The following NR3C1 variants were observed in gnomAD, a reference collection of about 807,000 sequenced individuals.
NR3C1 encodes the protein glucocorticoid receptor.
A neutral mutation model predicts 74.0 loss-of-function variants in NR3C1; 14 were observed. The observed-to-expected ratio is 0.19, with a 90% CI of 0.12 to 0.30. The LOEUF is 0.30. NR3C1 is among the 10% of genes least tolerant of loss of function. The pLI is 1.00. For missense variants in NR3C1, 695 were observed against 909.8 expected (o/e 0.76, Z 3.04); for synonymous variants, 308 against 332.5 (o/e 0.93, Z 0.80).
At chr5:143,404,397 G>C (rs1468083159), upstream of NR3C1, 2 of 985,354 alleles carry the variant, frequency 2.0e-6, no homozygotes, top group East Asian at 1.1e-4. Context: ...GGGGAGTCGC[G>C]TGCCGGCAGG....
At chr5:143,313,030 A>G (rs915603586) in intron 3 of NR3C1, among the ~76,000 whole-genome samples, 24 of 152,372 alleles carry the variant, frequency 1.6e-4, no homozygotes, top group Admixed American at 1.4e-3. Context: ...AAAATGACTC[A>G]TCTAACTCTC....
intron 2 of NR3C1, among the ~76,000 whole-genome samples, chr5:143,388,170 A>C (rs1395147457): frequency 6.6e-6 from 1 of 152,240 alleles, no homozygotes; most frequent in Admixed American, 6.5e-5. Flanking sequence ...AGAAATTATG[A>C]AAAGCAATCC....
At chr5:143,339,397 T>G (rs1202374979) in intron 2 of NR3C1, among the ~76,000 whole-genome samples, 3 of 152,218 alleles carry the variant, frequency 2.0e-5, no homozygotes, top group Non-Finnish European at 4.4e-5. Flanking sequence ...TTCTCCCCTA[T>G]TTTACATTGC....
At chr5:143,411,647 A>G (rs963722946) in intron 1 of NR3C1, among the ~76,000 whole-genome samples, 2 of 152,164 alleles carry the variant, frequency 1.3e-5, no homozygotes, top group African/African-American at 4.8e-5. Flanking sequence ...TGAAAATCAC[A>G]TGGCCATATA....
intron 2 of NR3C1, among the ~76,000 whole-genome samples, chr5:143,355,138 A>G (rs1208463678): frequency 6.6e-6 from 1 of 152,202 alleles, no homozygotes; most frequent in Non-Finnish European, 1.5e-5. Context: ...AACAAAATAA[A>G]CACGCAATAT....
intron 1 of NR3C1, among the ~76,000 whole-genome samples, chr5:143,418,823 A>G (rs968164368): frequency 9.2e-5 from 14 of 152,206 alleles, no homozygotes; most frequent in African/African-American, 3.4e-4. Flanking sequence ...GGGCAGAACT[A>G]GAAAGAATCC....
At chr5:143,381,256 G>A (rs2151887710) in intron 2 of NR3C1, among the ~76,000 whole-genome samples, 1 of 152,006 alleles carries the variant, frequency 6.6e-6, no homozygotes, top group African/African-American at 2.4e-5. Context: ...GCTCTACAAT[G>A]AAAACAATAA....
chr5:143,424,702 C>A (rs1458992234), intron 1 of NR3C1, among the ~76,000 whole-genome samples: 1 of 151,998 alleles, frequency 6.6e-6, no homozygotes. Flanking sequence ...GAGAGAGTTA[C>A]TGATTTTCTT....
rs946510889 is a variant in NR3C1, at chr5:143,280,416, T to C, written c.*1473A>G. The C allele has an allele frequency of 3.9e-5, 6 of 152,654 alleles. No homozygotes were observed. Among genetic ancestry groups the C allele is most frequent in the Non-Finnish European group, 8.8e-5 (6 of 68,044 alleles). The allele number at this position is 152,654 out of a possible 1,614,324, so 9.5% of individuals were successfully genotyped here. On this transcript the variant is annotated 3_prime_UTR_variant, in exon 9 of 9. Coordinates refer to ENST00000394464, the MANE Select transcript of NR3C1 (RefSeq NM_000176.3). Reference sequence around the variant, plus strand: ...TTAATATTAGATTTTCAGTTTTCTATTACACAAATAATTTGGCCACCTTGA... The same window carrying C: ...TTAATATTAGATTTTCAGTTTTCTACTACACAAATAATTTGGCCACCTTGA...
chr5:143,341,028 A>G (rs72801072), intron 2 of NR3C1, among the ~76,000 whole-genome samples: 1,725 of 152,312 alleles, frequency 0.011, 12 homozygotes, highest in Non-Finnish European at 0.02. Context: ...AGCTCAGCCA[A>G]TAAAACTGAA....
intron 1 of NR3C1, among the ~76,000 whole-genome samples, chr5:143,413,938 T>C (rs1841394189): frequency 6.6e-6 from 1 of 152,156 alleles, no homozygotes; most frequent in African/African-American, 2.4e-5. Context: ...CAGATGTCCA[T>C]GACAATAGCT....
At chr5:143,334,725 G>GGA (rs371031758) in intron 2 of NR3C1, among the ~76,000 whole-genome samples, 3 of 134,000 alleles carry the variant, frequency 2.2e-5, no homozygotes, top group Admixed American at 7.4e-5. Context: ...TCTCTGCTGT[G>GGA]AAAAAAAAAA....
At chr5:143,370,968 T>G (rs10482633) in intron 2 of NR3C1, among the ~76,000 whole-genome samples, 19,721 of 152,248 alleles carry the variant, frequency 0.13, 1,480 homozygotes, top group Middle Eastern at 0.29. Context: ...TTTTCATGGA[T>G]TATCTAGACC....
intron 2 of NR3C1, among the ~76,000 whole-genome samples, chr5:143,373,659 A>G (rs1561703720): frequency 6.6e-6 from 1 of 152,200 alleles, no homozygotes; most frequent in Non-Finnish European, 1.5e-5. Flanking sequence ...CATAAAGTTA[A>G]AACATATGAA....
intron 2 of NR3C1, among the ~76,000 whole-genome samples, chr5:143,348,340 G>C (rs1468529294): frequency 6.6e-6 from 1 of 152,128 alleles, no homozygotes; most frequent in African/African-American, 2.4e-5. Context: ...GACTAACATA[G>C]TTGATTCTAA....
intron 2 of NR3C1, among the ~76,000 whole-genome samples, chr5:143,396,176 A>C (rs999318689): frequency 1.3e-5 from 2 of 151,884 alleles, no homozygotes; most frequent in Non-Finnish European, 3.0e-5. Context: ...ATATTTCTGC[A>C]TTAGTCATTT....
intron 7 of NR3C1, among the ~76,000 whole-genome samples, chr5:143,288,142 G>A (rs947953403): frequency 2.0e-5 from 3 of 148,278 alleles, no homozygotes; most frequent in African/African-American, 2.5e-5. Flanking sequence ...TTTTGGAGAC[G>A]GAGCCTCACT....
At chr5:143,415,155 T>G (rs537267684) in intron 1 of NR3C1, among the ~76,000 whole-genome samples, 2 of 152,318 alleles carry the variant, frequency 1.3e-5, no homozygotes, top group East Asian at 3.9e-4. Context: ...TGTATAAAGG[T>G]AAAAACTTCC....
intron 6 of NR3C1, 54 bp from the exon 7 acceptor site, chr5:143,295,644 A>G (rs1817010726): frequency 1.3e-6 from 2 of 1,485,292 alleles, no homozygotes; most frequent in Non-Finnish European, 9.4e-7. Context: ...CTTCCCCCCA[A>G]AAAGCACATT....
Sources: allele counts gnomAD v4.1 joint callset (sites outside exome capture counted in the v4.1 genomes callset), GRCh38; gene constraint gnomAD v4.1.1; transcripts MANE v1.5; gene names NCBI Gene and HGNC (gene_info 2026-07-23, HGNC 2026-07-21).